CPAP: variants seen among roughly 807,000 people sequenced by gnomAD.
CPAP encodes centrosome assembly and centriole elongation protein.
chr13:24,909,879 G>A, the CPAP span: 199 of 1,613,652 alleles, frequency 1.2e-4, 5 homozygotes, highest in South Asian at 1.5e-3. Flanking sequence ...ATTAGGAGAC[G>A]CACGTTTTGA....
chr13:24,884,322 C>G, the CPAP span: 1 of 1,614,130 alleles, frequency 6.2e-7, no homozygotes, highest in Non-Finnish European at 8.5e-7. Context: ...TGGAAACATA[C>G]CACTCTTTGG....
At chr13:24,891,953 T>C in the CPAP span, among the ~76,000 whole-genome samples, 4 of 152,128 alleles carry the variant, frequency 2.6e-5, no homozygotes, top group Non-Finnish European at 4.4e-5. Flanking sequence ...ACTCCTTACA[T>C]GCGCTTCCCA....
the CPAP span, chr13:24,913,121 T>C: frequency 9.2e-7 from 1 of 1,084,178 alleles, no homozygotes; most frequent in Non-Finnish European, 1.4e-6. Context: ...ACAAAATGTA[T>C]TAGGTAAAGC....
chr13:24,930,860 C>T, the CPAP span, among the ~76,000 whole-genome samples: 1 of 152,198 alleles, frequency 6.6e-6, no homozygotes, highest in Non-Finnish European at 1.5e-5. Flanking sequence ...AATGGCAGTT[C>T]TGTTTTCAGC....
the CPAP span, among the ~76,000 whole-genome samples, chr13:24,886,789 G>A: frequency 6.6e-6 from 1 of 152,152 alleles, no homozygotes; most frequent in African/African-American, 2.4e-5. Flanking sequence ...AGAAAACCAA[G>A]GCTAAGTGGT....
At chr13:24,902,234 GCT>G in the CPAP span, among the ~76,000 whole-genome samples, 4 of 41,628 alleles carry the variant, frequency 9.6e-5, no homozygotes, top group East Asian at 2.9e-3. Context: ...TAGGGAAAAT[GCT>G]AAAAAAAAAC....
At chr13:24,906,404 G>A in the CPAP span, 11 of 1,612,826 alleles carry the variant, frequency 6.8e-6, no homozygotes, top group Non-Finnish European at 9.3e-6. Flanking sequence ...CTCTTTCATG[G>A]TCTCCCTTAT....
the CPAP span, among the ~76,000 whole-genome samples, chr13:24,915,802 A>AAACAAC: frequency 6.6e-6 from 1 of 151,840 alleles, no homozygotes; most frequent in Non-Finnish European, 1.5e-5. Flanking sequence ...TCCATCTCGA[A>AAACAAC]AACAACAACA....
At chr13:24,896,338 G>A in the CPAP span, among the ~76,000 whole-genome samples, 4 of 152,366 alleles carry the variant, frequency 2.6e-5, no homozygotes, top group South Asian at 6.2e-4. Context: ...CAAGCCCCTT[G>A]AATGGGCACA....
At chr13:24,883,613 C>CTT in the CPAP span, among the ~76,000 whole-genome samples, 5 of 152,080 alleles carry the variant, frequency 3.3e-5, no homozygotes, top group Admixed American at 6.5e-5. Flanking sequence ...CTTTTTTCAA[C>CTT]TTGTGTTCTT....
chr13:24,903,192 T>C, the CPAP span, among the ~76,000 whole-genome samples: 4 of 152,256 alleles, frequency 2.6e-5, no homozygotes, highest in East Asian at 1.9e-4. Context: ...GGAGACGATA[T>C]GTCATACTAT....
At chr13:24,904,344 C>T in the CPAP span, among the ~76,000 whole-genome samples, 60 of 152,052 alleles carry the variant, frequency 3.9e-4, no homozygotes, top group African/African-American at 7.2e-4. Context: ...TTTTCAAAGA[C>T]GAATATATAT....
chr13:24,906,816 C>T, the CPAP span: 71 of 1,614,162 alleles, frequency 4.4e-5, no homozygotes, highest in Middle Eastern at 6.6e-4. Context: ...GGCTGGTCCT[C>T]GGAAGTGCTC....
chr13:24,933,022 G>C, the CPAP span: 1 of 1,586,426 alleles, frequency 6.3e-7, no homozygotes, highest in South Asian at 1.1e-5. Flanking sequence ...GGGAATCTTT[G>C]CAAATTGTAT....
chr13:24,912,497 C>A, the CPAP span: 2 of 1,201,626 alleles, frequency 1.7e-6, no homozygotes, highest in Non-Finnish European at 2.4e-6. Context: ...GGGGAAAAAA[C>A]AAGAAGACCT....
the CPAP span, chr13:24,899,505 T>TCCTCATCTCCTCCTTTTTAAACTC: frequency 5.6e-6 from 9 of 1,613,602 alleles, no homozygotes; most frequent in Non-Finnish European, 6.8e-6. Context: ...TTTTGTAGCT[T>TCCTCATCTCCTCCTTTTTAAACTC]CCTCATCTCC....
At chr13:24,889,597 G>A in the CPAP span, among the ~76,000 whole-genome samples, 23 of 151,510 alleles carry the variant, frequency 1.5e-4, no homozygotes, top group African/African-American at 4.4e-4. Flanking sequence ...ACGCACGCGC[G>A]CCCCTTTTGA....
chr13:24,907,386 T>C, the CPAP span, among the ~76,000 whole-genome samples: 1 of 152,162 alleles, frequency 6.6e-6, no homozygotes, highest in South Asian at 2.1e-4. Context: ...ACAACACTCT[T>C]CACATGACTT....
the CPAP span, among the ~76,000 whole-genome samples, chr13:24,895,596 AG>A: frequency 6.6e-6 from 1 of 151,982 alleles, no homozygotes; most frequent in Non-Finnish European, 1.5e-5. Context: ...AAGGAAGGAA[AG>A]AAAGGAAATA....
Sources: allele counts gnomAD v4.1 joint callset (sites outside exome capture counted in the v4.1 genomes callset), GRCh38; gene constraint gnomAD v4.1.1; transcripts MANE v1.5; gene names NCBI Gene and HGNC (gene_info 2026-07-23, HGNC 2026-07-21).